NDUFS4: variants seen among roughly 807,000 people sequenced by gnomAD.
The protein encoded by NDUFS4 is NADH:ubiquinone oxidoreductase subunit S4, also known as NADH dehydrogenase [ubiquinone] iron-sulfur protein 4, mitochondrial.
Under a neutral mutation model 24.3 loss-of-function variants are expected in NDUFS4, and 28 were observed. The ratio of observed to expected loss-of-function variants is 1.15; its 90% confidence interval spans 0.85 to 1.58. NDUFS4 has a LOEUF of 1.58. Among genes scored for constraint, NDUFS4 ranks in the 40% most tolerant of loss-of-function variants. NDUFS4 has a pLI of 0.00. For synonymous variants in NDUFS4, 93 were observed against 69.7 expected (o/e 1.34, Z -1.67); for missense variants, 223 against 207.9 (o/e 1.07, Z -0.45).
chr5:53,620,013 G>A (rs964790409), intron 2 of NDUFS4, among the ~76,000 whole-genome samples: 6 of 151,856 alleles, frequency 4.0e-5, no homozygotes, highest in South Asian at 4.2e-4. Context: ...AAATTGAAGG[G>A]TTTAGTATCA....
In NDUFS4 at chr5:53,613,619, A is replaced by G. The variant is rs562583460; in HGVS notation, c.177+10089A>G. On this transcript the variant is annotated intron_variant, in intron 2 of 4. Coordinates refer to ENST00000296684, the MANE Select transcript of NDUFS4 (RefSeq NM_002495.4). ...CAACTATAGTTTTTTTTTTTTTACA[A>G]TGTATTTCCCTGTGTCAGTTTTTAC... Among the ~76,000 whole-genome samples the G allele has an allele frequency of 2.0e-3, 300 of 148,460 alleles. 2 individuals are homozygous for G. Among genetic ancestry groups the G allele is most frequent in the African/African-American group, 7.0e-3 (283 of 40,530 alleles).
intron 4 of NDUFS4, among the ~76,000 whole-genome samples, chr5:53,669,471 A>G (rs1039243774): frequency 1.3e-5 from 2 of 151,936 alleles, no homozygotes; most frequent in Non-Finnish European, 2.9e-5. Context: ...ATGCTGTCTC[A>G]TTTCTTCATC....
chr5:53,671,970 A>AG (rs1740267400), intron 4 of NDUFS4, among the ~76,000 whole-genome samples: 1 of 152,168 alleles, frequency 6.6e-6, no homozygotes, highest in African/African-American at 2.4e-5. Flanking sequence ...AGGAGGGCTG[A>AG]GGACAAGCTG....
At chr5:53,606,391 C>T (rs1750504206) in intron 2 of NDUFS4, among the ~76,000 whole-genome samples, 1 of 151,792 alleles carries the variant, frequency 6.6e-6, no homozygotes, top group Admixed American at 6.6e-5. Flanking sequence ...CAGGGTGGTG[C>T]CATACACTTT....
intron 4 of NDUFS4, among the ~76,000 whole-genome samples, chr5:53,680,734 T>C (rs980665593): frequency 6.6e-6 from 1 of 152,102 alleles, no homozygotes; most frequent in Non-Finnish European, 1.5e-5. Flanking sequence ...TTAGGAGATA[T>C]ACCTAATACT....
chr5:53,595,720 A>G (rs901219104), intron 1 of NDUFS4, among the ~76,000 whole-genome samples: 10 of 152,154 alleles, frequency 6.6e-5, no homozygotes, highest in Admixed American at 1.3e-4. Context: ...TTACGTGAAC[A>G]TAATTACCCT....
chr5:53,652,592 A>G (rs913151716), intron 3 of NDUFS4, among the ~76,000 whole-genome samples: 5 of 152,166 alleles, frequency 3.3e-5, no homozygotes, highest in Admixed American at 2.6e-4. Context: ...TTGAAAGGCC[A>G]CTTTGGTTCA....
chr5:53,645,252 T>C (rs1369459155), intron 2 of NDUFS4, among the ~76,000 whole-genome samples: 1 of 152,138 alleles, frequency 6.6e-6, no homozygotes, highest in Non-Finnish European at 1.5e-5. Flanking sequence ...TCAGATAAAG[T>C]ATTTTACCAT....
intron 1 of NDUFS4, among the ~76,000 whole-genome samples, chr5:53,599,261 C>T (rs991256011): frequency 1.3e-5 from 2 of 151,994 alleles, no homozygotes; most frequent in African/African-American, 4.8e-5. Context: ...TGAGTCTTCA[C>T]TTTTAGTTCT....
chr5:53,569,635 G>T (rs1749147301), intron 1 of NDUFS4, among the ~76,000 whole-genome samples: 2 of 152,120 alleles, frequency 1.3e-5, no homozygotes, highest in Admixed American at 1.3e-4. Context: ...TATACGTTTA[G>T]ACTTACTGGT....
intron 4 of NDUFS4, among the ~76,000 whole-genome samples, chr5:53,662,513 A>AT (rs1177875804): frequency 7.9e-5 from 12 of 152,266 alleles, no homozygotes; most frequent in Admixed American, 7.8e-4. Flanking sequence ...GCCTCATAAA[A>AT]TGAGTTAGGG....
At chr5:53,621,823 TC>T (rs1751045813) in intron 2 of NDUFS4, among the ~76,000 whole-genome samples, 1 of 144,894 alleles carries the variant, frequency 6.9e-6, no homozygotes, top group Non-Finnish European at 1.5e-5. Context: ...TGCCTCAGCC[TC>T]CCGTGTAGCT....
intron 2 of NDUFS4, among the ~76,000 whole-genome samples, chr5:53,610,756 A>G (rs367845216): frequency 3.3e-5 from 5 of 152,244 alleles, no homozygotes; most frequent in African/African-American, 9.6e-5. Flanking sequence ...GATTTATTTC[A>G]TATGAGTTCC....
intron 2 of NDUFS4, among the ~76,000 whole-genome samples, chr5:53,625,303 T>C (rs1391526552): frequency 6.6e-6 from 1 of 152,186 alleles, no homozygotes. Flanking sequence ...AATTATCTTA[T>C]CTTTAAACTT....
chr5:53,658,661 G>A, intron 4 of NDUFS4, 37 bp downstream of exon 4: 1 of 1,537,252 alleles, frequency 6.5e-7, no homozygotes, highest in Non-Finnish European at 9.0e-7. Flanking sequence ...TCAAGATAAT[G>A]ATTTTATGTT....
chr5:53,574,539 G>A (rs1749323316), intron 1 of NDUFS4, among the ~76,000 whole-genome samples: 2 of 151,952 alleles, frequency 1.3e-5, no homozygotes, highest in African/African-American at 4.8e-5. Context: ...TTTTATTTTG[G>A]TACTGTGTTT....
intron 1 of NDUFS4, among the ~76,000 whole-genome samples, chr5:53,597,882 CAAAT>C (rs1283967694): frequency 6.6e-6 from 1 of 152,112 alleles, no homozygotes; most frequent in Non-Finnish European, 1.5e-5. Context: ...CTACAGTTAA[CAAAT>C]AATTCTTAAA....
At chr5:53,605,044 A>G in intron 2 of NDUFS4, 1 of 359,816 alleles carries the variant, frequency 2.8e-6, no homozygotes, top group Non-Finnish European at 5.5e-6. Flanking sequence ...ACATGGTGAT[A>G]CCCCGTCTCT....
At chr5:53,616,409 G>GGTTT (rs1750841754) in intron 2 of NDUFS4, among the ~76,000 whole-genome samples, 1 of 152,054 alleles carries the variant, frequency 6.6e-6, no homozygotes, top group African/African-American at 2.4e-5. Flanking sequence ...GAATAGCTGG[G>GGTTT]GTTTGGGTGG....
Sources: allele counts gnomAD v4.1 joint callset (sites outside exome capture counted in the v4.1 genomes callset), GRCh38; gene constraint gnomAD v4.1.1; transcripts MANE v1.5; gene names NCBI Gene and HGNC (gene_info 2026-07-23, HGNC 2026-07-21).